CDH23: variants seen among roughly 807,000 people sequenced by gnomAD.
CDH23 encodes cadherin related 23, also known as cadherin-23.
In CDH23, 189 loss-of-function variants were observed where a neutral mutation model predicts 317.1. The observed-to-expected ratio is 0.60, with a 90% confidence interval of 0.53 to 0.67. CDH23 has a LOEUF of 0.67. Ranked by LOEUF, CDH23 falls within the 30% of genes least tolerant of loss-of-function variation. The pLI is 0.00. For synonymous variants in CDH23, 1,839 were observed against 1,876.8 expected, an observed-to-expected ratio of 0.98 and a Z score of 0.52; for missense variants, 4,401 against 4,592.4, an observed-to-expected ratio of 0.96 and a Z score of 1.20.
chr10:71,751,708 C>T lies in CDH23; in HGVS notation c.4845+9787C>T. ...AGACGTCTCCGGGGCCTGGAGGAGACAGGGGGGTGCTGGGCTCCGAAAGCA... is the reference window on the plus strand; with the variant it reads ...AGACGTCTCCGGGGCCTGGAGGAGATAGGGGGGTGCTGGGCTCCGAAAGCA... On this transcript the variant is annotated intron_variant, in intron 38 of 69. Transcript: ENST00000224721. The surrounding 1 kb of genome is among the most constrained non-coding windows in gnomAD (Gnocchi z 4.9). The T allele has an allele frequency of 1.3e-6, 2 of 1,567,486 alleles. No homozygotes were observed. The highest frequency in any genetic ancestry group is 1.2e-5 in the South Asian group (1 of 84,402).
intron 3 of CDH23, among the ~76,000 whole-genome samples, chr10:71,447,809 G>A (rs1850244494): frequency 6.6e-6 from 1 of 152,154 alleles, no homozygotes; most frequent in South Asian, 2.1e-4. Context: ...GTGGACGACT[G>A]GACTTGTAAC....
chr10:71,706,889 C>T lies in CDH23; in HGVS notation c.2954-8C>T. ...AGGCCTAGCCCCGGCGCCCGTTCTG[C>T]CCCGCAGTGCTGGATGTGAACGACG... On this transcript the variant is annotated splice_region_variant and splice_polypyrimidine_tract_variant and intron_variant, in intron 25 of 69. Coordinates refer to ENST00000224721, the MANE Select transcript of CDH23 (RefSeq NM_022124.6). 2 of 1,591,326 alleles carry T rather than the reference C, an allele frequency of 1.3e-6. No individual in the cohort carries two copies. Among genetic ancestry groups the T allele is most frequent in the Non-Finnish European group, 1.7e-6 (2 of 1,169,352 alleles).
rs6480555 is a variant in CDH23 at position 71,779,139 on chromosome 10, T to A, written c.5188-128T>A. The A allele has an allele frequency of 0.52, 437,836 of 839,876 alleles. 116,859 individuals are homozygous for A. The highest frequency in any genetic ancestry group is 0.69 in the Middle Eastern group (2,998 of 4,344). 52.0% of individuals were successfully genotyped at this position (839,876 alleles called of 1,614,324 possible). ...CTTAAAAGCCCCACCCATATCCGAC[T>A]TCCCATATGATTCCTGCATGGGCCT... On this transcript the variant is annotated intron_variant, in intron 40 of 69. Coordinates refer to ENST00000224721, the MANE Select transcript of CDH23 (RefSeq NM_022124.6).
At chr10:71,729,873 T>C (rs950055850) in intron 30 of CDH23, among the ~76,000 whole-genome samples, 6 of 151,984 alleles carry the variant, frequency 3.9e-5, no homozygotes, top group Admixed American at 1.3e-4. Context: ...CTCGCTCTGT[T>C]GCCCAGGCTG....
intron 1 of CDH23, among the ~76,000 whole-genome samples, chr10:71,403,460 T>TC (rs1479082686): frequency 1.3e-4 from 5 of 39,216 alleles, no homozygotes; most frequent in South Asian, 1.8e-3. Context: ...TTCCTTTCCT[T>TC]CCTTCCTTCC....
chr10:71,677,594 G>A lies in CDH23; in HGVS notation c.1653G>A (p.Val551=), dbSNP rs764244626. 1 of 1,608,556 alleles carries A rather than the reference G, an allele frequency of 6.2e-7. No individual in the cohort carries two copies. The highest frequency in any genetic ancestry group is 1.1e-5 in the South Asian group (1 of 89,474). ...EETTGRVRIN[V]LDVNDNVPTF... ...CCACAGGCCGGGTCAGGATCAATGTGTTGGATGTCAACGACAACGTGCCCA... is the reference window on the plus strand; with the variant it reads ...CCACAGGCCGGGTCAGGATCAATGTATTGGATGTCAACGACAACGTGCCCA... Residue 551 remains valine (V), a synonymous_variant, in exon 16 of 70, where the codon GTG becomes GTA. Transcript: ENST00000224721.
In CDH23 at chr10:71,704,914, G is replaced by A; in HGVS notation, c.2737G>A (p.Val913Met). The A allele has an allele frequency of 1.4e-5, 22 of 1,611,974 alleles. No individual in the cohort carries two copies. Among genetic ancestry groups the A allele is most frequent in the Non-Finnish European group, 1.9e-5 (22 of 1,179,048 alleles). The part of the protein sequence containing the change: ...IPAGVSIYQV[V>M]AIDLDEGLNG... ...TGCTGCCCCTCCTTGCCCTCAGGTG[G>A]TGGCCATCGACCTCGATGAGGGCCT... is the stretch of plus-strand genomic sequence containing the variant. The change falls in exon 25 of 70, where the codon GTG (valine) becomes ATG (methionine). Residue 913 changes from valine to methionine, a missense_variant. Physicochemically the swap from Val to Met is conservative, Grantham distance 21 (BLOSUM62 1). Transcript: ENST00000224721.
intron 1 of CDH23, among the ~76,000 whole-genome samples, chr10:71,420,699 C>G (rs1848771888): frequency 1.3e-5 from 2 of 151,966 alleles, no homozygotes; most frequent in Admixed American, 1.3e-4. Flanking sequence ...ATACTTATAA[C>G]AACCCTATGA....
At chr10:71,529,791 C>G (rs1855255424) in intron 6 of CDH23, among the ~76,000 whole-genome samples, 1 of 152,130 alleles carries the variant, frequency 6.6e-6, no homozygotes, top group Admixed American at 6.6e-5. Flanking sequence ...GCCCAAGAAA[C>G]AGGCCCTTTC....
chr10:71,584,465 C>A (rs1332316136), intron 9 of CDH23, among the ~76,000 whole-genome samples: 1 of 151,638 alleles, frequency 6.6e-6, no homozygotes, highest in Non-Finnish European at 1.5e-5. Flanking sequence ...TTAATGCTAC[C>A]CAAGTGAGGA....
At chr10:71,528,349 G>T (rs146509383) in intron 6 of CDH23, among the ~76,000 whole-genome samples, 181 of 152,246 alleles carry the variant, frequency 1.2e-3, no homozygotes, top group African/African-American at 4.3e-3. Context: ...TAGAGGCAGG[G>T]CGTATGTTGG....
intron 38 of CDH23, among the ~76,000 whole-genome samples, chr10:71,766,594 T>A (rs1840550759): frequency 6.6e-6 from 1 of 152,208 alleles, no homozygotes; most frequent in Admixed American, 6.5e-5. Context: ...TAAAATCCTG[T>A]GGGCAGGAGG....
intron 28 of CDH23, among the ~76,000 whole-genome samples, chr10:71,721,816 A>G (rs1292563551): frequency 6.6e-6 from 1 of 152,098 alleles, no homozygotes. Flanking sequence ...CACTCTTCCA[A>G]CCACAGCCCT....
At position 71,800,740 on chromosome 10, in the gene CDH23, C is replaced by G; in HGVS notation, c.7467C>G (p.Arg2489=). The G allele has an allele frequency of 6.2e-7, 1 of 1,613,826 alleles. No homozygotes were observed. The highest frequency in any genetic ancestry group is 8.5e-7 in the Non-Finnish European group (1 of 1,179,836). Residue 2489 remains arginine, a synonymous_variant, in exon 53 of 70, where the codon CGC becomes CGG. Transcript: ENST00000224721. The part of the protein sequence containing the change: ...DNPGDVASNR[R]ENSVQVVIQV... ...CTGGGGATGTAGCCAGCAACCGTCG[C>G]GAAAATTCAGTGCAGGTGAGGGGTG...
chr10:71,609,987 T>A (rs1426101850), intron 9 of CDH23, among the ~76,000 whole-genome samples: 11 of 130,104 alleles, frequency 8.5e-5, no homozygotes, highest in South Asian at 4.7e-4. Context: ...TGTGTGTGTG[T>A]GTGTGTGTGA....
intron 8 of CDH23, among the ~76,000 whole-genome samples, chr10:71,575,720 C>T (rs542215916): frequency 3.3e-5 from 5 of 152,306 alleles, no homozygotes; most frequent in African/African-American, 9.6e-5. Context: ...GGGTCGGCTC[C>T]GGGCCGAGCA....
intron 20 of CDH23, 43 bp downstream of exon 20, chr10:71,690,627 A>T: frequency 7.1e-7 from 1 of 1,404,338 alleles, no homozygotes; most frequent in Non-Finnish European, 9.9e-7. Flanking sequence ...CCACACCCTG[A>T]GGCTGACTGT....
chr10:71,799,600 G>T lies in CDH23; in HGVS notation c.7333G>T (p.Glu2445Ter). 1.2e-6 allele frequency: 2 copies of T among 1,614,068 alleles called. No homozygotes were observed. ...ALIEYSLGDG[E>*]SKFAINPTTG... ...CATTGAGTACAGCCTTGGAGATGGA[G>T]AGAGCAAGTTTGCCATCAACCCCAC... is the stretch of plus-strand genomic sequence containing the variant. The change falls in exon 52 of 70, where the codon GAG becomes TAG. Residue 2445 changes from glutamate (E) to a stop codon, truncating the protein, a stop_gained. Transcript: ENST00000224721. LOFTEE classifies it high-confidence loss of function.
In CDH23 at chr10:71,812,168, A is replaced by G. The variant is rs942296121; in HGVS notation, c.9380+153A>G. On this transcript the variant is annotated intron_variant, in intron 66 of 69. Coordinates refer to ENST00000224721, the MANE Select transcript of CDH23 (RefSeq NM_022124.6). ...GCCACCCTCCCTTCACCCTCCCTCC[A>G]CCCTCAGAAACCACGTGGCTGACAG... 3.2e-6 allele frequency: 5 copies of G among 1,582,116 alleles called. No individual in the cohort carries two copies. The Admixed American group carries it at 7.3e-5, about 23-fold the overall frequency.
Sources: allele counts gnomAD v4.1 joint callset (sites outside exome capture counted in the v4.1 genomes callset), GRCh38; gene constraint gnomAD v4.1.1; non-coding constraint Gnocchi (gnomAD v3.1); transcripts MANE v1.5; gene names NCBI Gene and HGNC (gene_info 2026-07-23, HGNC 2026-07-21).